Variants in TMEM132C observed in about 807,000 individuals in gnomAD.
TMEM132C encodes the protein protein phosphatase 1, regulatory subunit 152.
TMEM132C carries 29 observed loss-of-function variants against 61.4 expected under a neutral mutation model. That is an observed-to-expected ratio of 0.47 (90% CI 0.35 to 0.64). The LOEUF (loss-of-function observed/expected upper bound fraction) is 0.64, where lower values mean the gene tolerates loss of function less well. TMEM132C is among the 30% of genes least tolerant of loss of function. The pLI, the probability that TMEM132C is intolerant of heterozygous loss-of-function variation, is 0.00. For missense variants in TMEM132C, 1,408 were observed against 1,476.9 expected, an observed-to-expected ratio of 0.95 and a Z score of 0.76; for synonymous variants, 656 against 633.1, an observed-to-expected ratio of 1.04 and a Z score of -0.54.
Position 128,642,559 on chromosome 12 carries a change from T to C in TMEM132C, c.1305+26224T>C, listed in dbSNP as rs568801309. On this transcript the variant is annotated intron_variant, in intron 4 of 8. Coordinates refer to ENST00000435159, the MANE Select transcript of TMEM132C (RefSeq NM_001136103.3). The stretch of plus-strand genomic sequence containing the variant: ...AATGAGTTCATGCAAGACCTGGTTG[T>C]TAAAGAGTCTGAGACGTCCGCTTCT... Among the ~76,000 whole-genome samples, 7 of 152,214 alleles carry C rather than the reference T, an allele frequency of 4.6e-5. No individual in the cohort carries two copies. The South Asian group carries it at 1.5e-3, about 32-fold the overall frequency.
intron 3 of TMEM132C, among the ~76,000 whole-genome samples, chr12:128,546,644 G>A (rs1202525948): frequency 1.3e-5 from 2 of 152,180 alleles, no homozygotes; most frequent in East Asian, 3.9e-4. Context: ...GGCATCTGAG[G>A]CACAGAAAGA....
intron 2 of TMEM132C, among the ~76,000 whole-genome samples, chr12:128,443,393 A>G (rs946675068): frequency 6.6e-6 from 1 of 152,128 alleles, no homozygotes; most frequent in Admixed American, 6.6e-5. Context: ...GAAACCAAAA[A>G]CCACCAGTAC....
chr12:128,613,422 C>T (rs932319905), intron 3 of TMEM132C, among the ~76,000 whole-genome samples: 2 of 152,184 alleles, frequency 1.3e-5, no homozygotes, highest in Non-Finnish European at 2.9e-5. Context: ...TACAGATCCT[C>T]GCCTAAGACA....
rs1555218688 is a variant in TMEM132C, at chr12:128,340,793, C to CTCTCTCTTTCTT, written c.85+73310_85+73321dup. Among the ~76,000 whole-genome samples, 635 of 129,692 alleles carry CTCTCTCTTTCTT rather than the reference C, an allele frequency of 4.9e-3. 12 individuals carry two copies. The highest frequency in any genetic ancestry group is 0.024 in the African/African-American group (601 of 25,274). The allele number at this position is 129,692 out of a possible 152,430, so 85.1% of individuals were successfully genotyped here. On this transcript the variant is annotated intron_variant, in intron 1 of 8. Coordinates refer to ENST00000435159, the MANE Select transcript of TMEM132C (RefSeq NM_001136103.3). ...TATTTTTCTTTCTTTCTCTCTCTCTCTCTCTCTTTCTTTCTTTCTCTCTTT... is the reference window on the plus strand; with the variant it reads ...TATTTTTCTTTCTTTCTCTCTCTCTCTCTCTCTTTCTTTCTCTCTTTCTTTCTTTCTCTCTTT...
chr12:128,466,849 C>A (rs1262474613), intron 2 of TMEM132C, among the ~76,000 whole-genome samples: 1 of 152,142 alleles, frequency 6.6e-6, no homozygotes, highest in Non-Finnish European at 1.5e-5. Flanking sequence ...CTGTCCTAGT[C>A]CCCTTGGACA....
intron 5 of TMEM132C, among the ~76,000 whole-genome samples, chr12:128,691,870 C>A: frequency 6.6e-6 from 1 of 151,794 alleles, no homozygotes; most frequent in Admixed American, 6.6e-5. Flanking sequence ...TTCACCTGTC[C>A]ACCCATCCAT....
rs573648275 is a variant in TMEM132C at position 128,702,377 on chromosome 12, A to C, written c.2122-2713A>C. Reference sequence around the variant, plus strand: ...TTTATTATGAAATGTATTATTATGAAATGTTATTATTTCATAAATAACATT... The same window carrying C: ...TTTATTATGAAATGTATTATTATGACATGTTATTATTTCATAAATAACATT... On this transcript the variant is annotated intron_variant, in intron 8 of 8. Transcript: ENST00000435159. Among the ~76,000 whole-genome samples, 5 of 152,114 alleles carry C rather than the reference A, an allele frequency of 3.3e-5. 1 individual carries two copies. The South Asian group carries it at 1.0e-3, about 32-fold the overall frequency.
At chr12:128,621,848 T>A (rs1953966081) in intron 4 of TMEM132C, among the ~76,000 whole-genome samples, 2 of 152,282 alleles carry the variant, frequency 1.3e-5, no homozygotes, top group Admixed American at 1.3e-4. Flanking sequence ...GGGACTAGCG[T>A]GGGGTGTTGC....
intron 3 of TMEM132C, among the ~76,000 whole-genome samples, chr12:128,615,664 A>G (rs941738706): frequency 2.0e-5 from 3 of 152,112 alleles, no homozygotes; most frequent in Admixed American, 6.6e-5. Flanking sequence ...GGGAGTAGCT[A>G]TAAATAGAGA....
chr12:128,486,608 T>C (rs527577954), intron 2 of TMEM132C, among the ~76,000 whole-genome samples: 2 of 152,198 alleles, frequency 1.3e-5, no homozygotes, highest in Admixed American at 6.5e-5. Context: ...CTTGACAACA[T>C]GCCTTTTCTC....
intron 3 of TMEM132C, among the ~76,000 whole-genome samples, chr12:128,599,857 T>C (rs557522226): frequency 6.6e-6 from 1 of 152,300 alleles, no homozygotes; most frequent in Non-Finnish European, 1.5e-5. Context: ...GTTCCCATAA[T>C]ACCCACGTGT....
intron 4 of TMEM132C, among the ~76,000 whole-genome samples, chr12:128,662,533 A>G (rs530418957): frequency 6.6e-6 from 1 of 152,330 alleles, no homozygotes; most frequent in Admixed American, 6.5e-5. Context: ...GTGGTCAAGA[A>G]CATATACTCC....
intron 2 of TMEM132C, among the ~76,000 whole-genome samples, chr12:128,448,206 T>A (rs1870057268): frequency 6.6e-6 from 1 of 152,218 alleles, no homozygotes; most frequent in Non-Finnish European, 1.5e-5. Flanking sequence ...TTGGTGGAGC[T>A]GGGATTTGAA....
chr12:128,656,009 T>C (rs1244332834), intron 4 of TMEM132C, among the ~76,000 whole-genome samples: 2 of 152,232 alleles, frequency 1.3e-5, no homozygotes, highest in African/African-American at 4.8e-5. Flanking sequence ...AGATTTAGGC[T>C]TCTCCTATCT....
chr12:128,402,808 C>T (rs895308507), intron 1 of TMEM132C, among the ~76,000 whole-genome samples: 1 of 152,200 alleles, frequency 6.6e-6, no homozygotes, highest in Admixed American at 6.5e-5. Flanking sequence ...GTAAATATTT[C>T]CCTCTGTGCC....
intron 1 of TMEM132C, among the ~76,000 whole-genome samples, chr12:128,329,816 T>C (rs952597660): frequency 1.3e-5 from 2 of 152,172 alleles, no homozygotes; most frequent in Non-Finnish European, 1.5e-5. Flanking sequence ...ACTGAGAAGA[T>C]ATGTTCCTCA....
At chr12:128,309,850 C>A (rs1385353008) in intron 1 of TMEM132C, among the ~76,000 whole-genome samples, 1 of 152,134 alleles carries the variant, frequency 6.6e-6, no homozygotes. Context: ...ATTCCCCTGC[C>A]TCAGCCTCCT....
intron 4 of TMEM132C, among the ~76,000 whole-genome samples, chr12:128,666,633 TCCAGGAGTCCAGACTCCAGGGCCCA>T (rs1954478288): frequency 6.6e-6 from 1 of 152,178 alleles, no homozygotes; most frequent in African/African-American, 2.4e-5. Context: ...AGGAGCGGAA[TCCAGGAGTCCAGACTCCAGGGCCCA>T]CCACTTCATA....
At chr12:128,470,714 T>C (rs1407399566) in intron 2 of TMEM132C, among the ~76,000 whole-genome samples, 1 of 152,232 alleles carries the variant, frequency 6.6e-6, no homozygotes, top group African/African-American at 2.4e-5. Context: ...CAAGTTTTGG[T>C]GGGCTGTTAC....
Sources: allele counts gnomAD v4.1 joint callset (sites outside exome capture counted in the v4.1 genomes callset), GRCh38; gene constraint gnomAD v4.1.1; transcripts MANE v1.5; gene names NCBI Gene and HGNC (gene_info 2026-07-23, HGNC 2026-07-21).